Variants in EBNA1BP2 observed in about 807,000 individuals in gnomAD.
The protein encoded by EBNA1BP2 is probable rRNA-processing protein EBP2.
Under a neutral mutation model 43.5 loss-of-function variants are expected in EBNA1BP2, and 36 were observed. That is an observed-to-expected ratio of 0.83 (90% confidence interval 0.63 to 1.09). EBNA1BP2 has a LOEUF of 1.09. EBNA1BP2 is among the 50% of genes least tolerant of loss of function. The probability of loss-of-function intolerance (pLI) is 0.00; values close to 1 mark genes in which losing one functional copy is unlikely to be tolerated. For missense variants in EBNA1BP2, 332 were observed against 379.1 expected (o/e 0.88, Z 1.03); for synonymous variants, 127 against 141.3 (o/e 0.90, Z 0.72).
rs763740656 is a variant in EBNA1BP2 at position 43,169,003 on chromosome 1, T to C, written c.473A>G (p.Gln158Arg). 2 of 1,614,144 alleles carry C rather than the reference T, an allele frequency of 1.2e-6. No individual in the cohort carries two copies. The highest frequency in any genetic ancestry group is 2.2e-5 in the South Asian group (2 of 91,086). Residue 158 changes from glutamine (Q) to arginine (R), a missense_variant, in exon 5 of 9, where the codon CAG (glutamine) becomes CGG (arginine). Coordinates refer to ENST00000236051, the MANE Select transcript of EBNA1BP2 (RefSeq NM_006824.3). ...TTTTTCAGACCTCTCCATGGCAGCC[T>C]GTTTAGTCTGCAGCTTCTGTCGAAT... The part of the protein sequence containing the change: ...QKIRQKLQTK[Q>R]AAMERSEKAK...
rs1644923292 is a variant in EBNA1BP2 at position 43,167,009 on chromosome 1, G to T, written c.614-90C>A. On this transcript the variant is annotated intron_variant, in intron 6 of 8. Coordinates refer to ENST00000236051, the MANE Select transcript of EBNA1BP2 (RefSeq NM_006824.3). Reference sequence around the variant, plus strand: ...ATATGAGGCTGTTATTTGCTACACTGATTTTAAGAGTCACATCCTGCTCTC... The same window carrying T: ...ATATGAGGCTGTTATTTGCTACACTTATTTTAAGAGTCACATCCTGCTCTC... 4 of 1,509,566 alleles carry T rather than the reference G, an allele frequency of 2.6e-6. No individual in the cohort carries two copies. The African/African-American group carries it at 4.2e-5, about 16-fold the overall frequency. 93.5% of individuals were successfully genotyped at this position (1,509,566 alleles called of 1,614,324 possible).
Position 43,164,366 on chromosome 1 carries a change from C to T in EBNA1BP2, c.*77G>A. ...AGAAATGTTTACAACATGACACCAACAGAAGGGATCAAAGTGTGTCGTGAA... is the reference window on the plus strand; with the variant it reads ...AGAAATGTTTACAACATGACACCAATAGAAGGGATCAAAGTGTGTCGTGAA... On this transcript the variant is annotated 3_prime_UTR_variant, in exon 9 of 9. Coordinates refer to ENST00000236051, the MANE Select transcript of EBNA1BP2 (RefSeq NM_006824.3). 1 of 1,560,542 alleles carries T rather than the reference C, an allele frequency of 6.4e-7. No homozygotes were observed. The highest frequency in any genetic ancestry group is 8.8e-7 in the Non-Finnish European group (1 of 1,132,144).
At chr1:43,172,384 TTGCTTAGGATCCC>T, upstream of EBNA1BP2, 2 of 1,551,398 alleles carry the variant, frequency 1.3e-6, no homozygotes, top group Non-Finnish European at 1.7e-6. Flanking sequence ...AGTGTCCGGG[TTGCTTAGGATCCC>T]TACAGGTAGC....
chr1:43,164,243 C>A lies in EBNA1BP2; in HGVS notation c.*200G>T. The A allele has an allele frequency of 1.7e-6, 1 of 601,716 alleles. No individual in the cohort carries two copies. Among genetic ancestry groups the A allele is most frequent in the South Asian group, 2.2e-5 (1 of 45,514 alleles). The allele number at this position is 601,716 out of a possible 1,614,324, so 37.3% of individuals were successfully genotyped here. On this transcript the variant is annotated 3_prime_UTR_variant, in exon 9 of 9. Coordinates refer to ENST00000236051, the MANE Select transcript of EBNA1BP2 (RefSeq NM_006824.3). ...AATTTGAACTCAATGTCTAAATTAT[C>A]AATAGATAGCAATGGAAAGTAACTT... is the stretch of plus-strand genomic sequence containing the variant.
At chr1:43,168,804 G>A (rs1443156721) in intron 5 of EBNA1BP2, 135 bp downstream of exon 5, 1 of 905,436 alleles carries the variant, frequency 1.1e-6, no homozygotes, top group African/African-American at 1.6e-5. Context: ...ATGAATACCA[G>A]CACATACACT....
At chr1:43,164,521 T>C in intron 8 of EBNA1BP2, 28 bp from the exon 9 acceptor site, 1 of 1,614,160 alleles carries the variant, frequency 6.2e-7, no homozygotes. Flanking sequence ...CCACATCTGG[T>C]CACATAGCAG....
intron 4 of EBNA1BP2, 78 bp downstream of exon 4, chr1:43,170,678 A>G: frequency 6.5e-7 from 1 of 1,541,850 alleles, no homozygotes; most frequent in Non-Finnish European, 8.7e-7. Flanking sequence ...TATTGGGCTC[A>G]TAGCTATCTT....
chr1:43,172,224 T>C lies in EBNA1BP2; in HGVS notation c.-106A>G, dbSNP rs1351928631. On this transcript the variant is annotated 5_prime_UTR_variant, in exon 1 of 9. Transcript: ENST00000236051. ...CCGCTGCTGCCTGCCTTCAGCCCCC[T>C]ACTCCCACGCCGTGGCTCCACGTGC... 3 of 1,576,926 alleles carry C rather than the reference T, an allele frequency of 1.9e-6. No individual in the cohort carries two copies. In the African/African-American group the frequency reaches 4.1e-5, roughly 21 times the overall value.
chr1:43,168,698 C>T (rs1396566851), intron 5 of EBNA1BP2, among the ~76,000 whole-genome samples: 1 of 152,160 alleles, frequency 6.6e-6, no homozygotes, highest in African/African-American at 2.4e-5. Flanking sequence ...ACCCAGTGTA[C>T]AGATGTGAAA....
chr1:43,172,297 T>C (rs769801590), upstream of EBNA1BP2: 63 of 1,551,772 alleles, frequency 4.1e-5, no homozygotes, highest in Non-Finnish European at 5.3e-5. Flanking sequence ...GCTCAACTTT[T>C]GATTGGGACT....
chr1:43,170,838 C>T lies in EBNA1BP2; in HGVS notation c.365G>A (p.Arg122His), dbSNP rs535649425. ...AQAAVLAVLP[R>H]LHQLKVPTKR... ...CGTAGGGACTTTGAGCTGATGGAGG[C>T]GGGGTAAGACTGCAAGCACTGCGGC... Residue 122 changes from arginine (R) to histidine (H), a missense_variant, in exon 4 of 9, where the codon CGC becomes CAC. By Grantham distance (29) the Arg-to-His change is conservative (BLOSUM62 0). Transcript: ENST00000236051. 8 of 1,600,754 alleles carry T rather than the reference C, an allele frequency of 5.0e-6. No homozygotes were observed. Among genetic ancestry groups the T allele is most frequent in the Non-Finnish European group, 6.0e-6 (7 of 1,174,726 alleles).
intron 3 of EBNA1BP2, 146 bp from the exon 4 acceptor site, chr1:43,171,025 A>C: frequency 5.1e-6 from 6 of 1,173,450 alleles, no homozygotes; most frequent in Non-Finnish European, 5.7e-6. Context: ...AAACTGTCTC[A>C]CTGATTTAGT....
At chr1:43,165,269 G>C (rs556579288) in intron 7 of EBNA1BP2, among the ~76,000 whole-genome samples, 1 of 151,894 alleles carries the variant, frequency 6.6e-6, no homozygotes, top group Non-Finnish European at 1.5e-5. Flanking sequence ...CATTCAAATG[G>C]AATAACATTC....
rs755488908 is a variant in EBNA1BP2, at chr1:43,172,282, C to G, written c.-164G>C. The G allele has an allele frequency of 3.9e-6, 6 of 1,552,458 alleles. No individual in the cohort carries two copies. The highest frequency in any genetic ancestry group is 5.2e-6 in the Non-Finnish European group (6 of 1,147,364). ...TCGCTCCAGCGCCAGCAACTCACAG[C>G]TACTGCTCAACTTTTGATTGGGACT... On this transcript the variant is annotated 5_prime_UTR_variant, in exon 1 of 9. Coordinates refer to ENST00000236051, the MANE Select transcript of EBNA1BP2 (RefSeq NM_006824.3).
At chr1:43,172,336 G>T (rs1407376036), upstream of EBNA1BP2, 1 of 1,551,598 alleles carries the variant, frequency 6.4e-7, no homozygotes, top group Non-Finnish European at 8.7e-7. Context: ...CCATACTTCC[G>T]GTTTGTCGTT....
chr1:43,171,669 T>G lies in EBNA1BP2; in HGVS notation c.151-18A>C. ...AGGCCATTCTAGGAAATCCAGACAC[T>G]GAGCTCACAAGAAGGGAACTCTGAG... On this transcript the variant is annotated intron_variant, in intron 2 of 8. Transcript: ENST00000236051. 6.2e-7 allele frequency: 1 copy of G among 1,610,832 alleles called. No homozygotes were observed.
At chr1:43,169,948 A>AATGCCT (rs60274900) in intron 4 of EBNA1BP2, among the ~76,000 whole-genome samples, 30,524 of 151,914 alleles carry the variant, frequency 0.2, 3,525 homozygotes, top group Middle Eastern at 0.3. Context: ...ATGAGAATCT[A>AATGCCT]ATGCCTGATG....
At chr1:43,167,077 C>A (rs1259496514) in intron 6 of EBNA1BP2, 83 bp downstream of exon 6, 1 of 1,533,480 alleles carries the variant, frequency 6.5e-7, no homozygotes, top group African/African-American at 1.4e-5. Flanking sequence ...TCCACATCAA[C>A]CAAGAAGGCT....
chr1:43,170,724 T>C (rs1437313475), intron 4 of EBNA1BP2, 32 bp downstream of exon 4: 1 of 1,596,958 alleles, frequency 6.3e-7, no homozygotes, highest in Admixed American at 1.7e-5. Context: ...TACAAAGTTT[T>C]GACTTTCCAG....
Sources: allele counts gnomAD v4.1 joint callset (sites outside exome capture counted in the v4.1 genomes callset), GRCh38; gene constraint gnomAD v4.1.1; transcripts MANE v1.5; gene names NCBI Gene and HGNC (gene_info 2026-07-23, HGNC 2026-07-21).